Variants in CHM observed in about 807,000 individuals in gnomAD.
CHM encodes the protein CHM Rab escort protein.
In CHM, 10 loss-of-function variants were observed where a neutral mutation model predicts 49.0. The ratio of observed to expected loss-of-function variants is 0.20; its 90% CI spans 0.13 to 0.35. The LOEUF is 0.35. Among genes scored for constraint, CHM ranks in the 10% least tolerant of loss-of-function variants. CHM has a pLI of 1.00. For missense variants in CHM, 455 were observed against 478.4 expected, an observed-to-expected ratio of 0.95 and a Z score of 0.46; for synonymous variants, 184 against 167.5, an observed-to-expected ratio of 1.10 and a Z score of -0.76.
chrX:85,967,334 TCTA>T (rs1039485122), intron 4 of CHM, among the ~76,000 whole-genome samples: 2 of 112,126 alleles, frequency 1.8e-5, no homozygotes, highest in African/African-American at 6.5e-5. Flanking sequence ...ATAGTTCAAT[TCTA>T]CTAATTTAAA....
intron 12 of CHM, among the ~76,000 whole-genome samples, chrX:85,892,400 T>C (rs1474227933): frequency 3.6e-5 from 4 of 110,068 alleles, no homozygotes; most frequent in Admixed American, 1.9e-4. Flanking sequence ...AACTGAATCA[T>C]GGGGGCCGGT....
intron 8 of CHM, among the ~76,000 whole-genome samples, chrX:85,945,613 A>AT (rs1929360727): frequency 9.4e-6 from 1 of 106,325 alleles, no homozygotes; most frequent in Admixed American, 1.0e-4. Context: ...TAAACCTCTT[A>AT]TTTTTATAAA....
chrX:85,973,157 C>T (rs1054031298), intron 4 of CHM, among the ~76,000 whole-genome samples: 11 of 106,069 alleles, frequency 1.0e-4, no homozygotes, highest in Admixed American at 2.0e-4. Context: ...AAATTAGCTG[C>T]GCATGGTGGC....
intron 8 of CHM, among the ~76,000 whole-genome samples, chrX:85,928,739 G>T (rs1928243824): frequency 9.0e-6 from 1 of 111,144 alleles, no homozygotes; most frequent in Admixed American, 9.6e-5. Flanking sequence ...GCCTTAACCG[G>T]AGTTTTTCCT....
chrX:85,880,452 T>C (rs1361576543), intron 12 of CHM, among the ~76,000 whole-genome samples: 2 of 111,580 alleles, frequency 1.8e-5, no homozygotes, highest in African/African-American at 6.5e-5. Flanking sequence ...CTGTCTCTTA[T>C]TTCAAAATCT....
intron 1 of CHM, among the ~76,000 whole-genome samples, chrX:86,042,369 G>T (rs1043636357): frequency 2.8e-4 from 31 of 111,266 alleles, no homozygotes; most frequent in African/African-American, 9.8e-4. Context: ...ATTGGCTCAG[G>T]GTTCTGCAGG....
intron 1 of CHM, among the ~76,000 whole-genome samples, chrX:86,043,950 T>A (rs917238424): frequency 4.5e-5 from 5 of 111,449 alleles, no homozygotes; most frequent in Admixed American, 1.9e-4. Context: ...AGTAGAAAAA[T>A]TAAGCTAACC....
At chrX:85,949,055 A>G (rs1929578239) in intron 8 of CHM, among the ~76,000 whole-genome samples, 1 of 111,344 alleles carries the variant, frequency 9.0e-6, no homozygotes, top group African/African-American at 3.3e-5. Flanking sequence ...CGCACCCGGC[A>G]GGATGAGGTA....
intron 8 of CHM, among the ~76,000 whole-genome samples, chrX:85,939,700 ATTCTTT>A (rs1928994481): frequency 8.9e-6 from 1 of 112,276 alleles, no homozygotes. Context: ...CCATATTCTT[ATTCTTT>A]TTCTAACTAC....
intron 11 of CHM, among the ~76,000 whole-genome samples, chrX:85,894,833 A>T (rs961747052): frequency 1.3e-4 from 15 of 111,896 alleles, no homozygotes; most frequent in Non-Finnish European, 2.3e-4. Context: ...AAATCAGACC[A>T]TATTAAATCA....
At chrX:85,864,883 C>A in intron 14 of CHM, 62 bp from the exon 15 acceptor site, 6 of 1,034,770 alleles carry the variant, frequency 5.8e-6, no homozygotes, top group Non-Finnish European at 8.0e-6. Flanking sequence ...GTGTGCATTT[C>A]TGGCATTAAC....
intron 13 of CHM, among the ~76,000 whole-genome samples, chrX:85,875,095 C>A (rs750680775): frequency 9.0e-6 from 1 of 111,385 alleles, no homozygotes; most frequent in African/African-American, 3.3e-5. Context: ...ATTTCATAGA[C>A]GTTGCGCCTT....
In CHM at chrX:85,864,399, C is replaced by G; in HGVS notation, c.*231G>C. On this transcript the variant is annotated 3_prime_UTR_variant, in exon 15 of 15. Transcript: ENST00000357749. ...GAATCAATTGATTTATAATTTTCAT[C>G]TGCTAGTCACACAAGTTTGGTATTT... The G allele has an allele frequency of 2.5e-6, 1 of 396,370 alleles. No individual in the cohort carries two copies. The highest frequency in any genetic ancestry group is 4.4e-6 in the Non-Finnish European group (1 of 225,606). 32.7% of individuals were successfully genotyped at this position (396,370 alleles called of 1,213,427 possible). A position where few individuals can be genotyped will look rare whatever the true frequency, so the allele number is the denominator to read the frequency against.
At chrX:86,027,398 G>A in intron 2 of CHM, 93 bp downstream of exon 2, 1 of 703,245 alleles carries the variant, frequency 1.4e-6, no homozygotes, top group Non-Finnish European at 2.3e-6. Context: ...ACACATACAT[G>A]TACATACGTA....
intron 7 of CHM, 58 bp from the exon 8 acceptor site, chrX:85,956,436 A>C: frequency 8.6e-7 from 1 of 1,158,956 alleles, no homozygotes; most frequent in Non-Finnish European, 1.2e-6. Context: ...ATTTAAAACC[A>C]CCCCACAAAA....
chrX:85,881,714 G>C (rs1007393248), intron 12 of CHM, among the ~76,000 whole-genome samples: 1 of 111,774 alleles, frequency 8.9e-6, no homozygotes. Context: ...ATGTGTGTGA[G>C]GATACAAGAG....
chrX:86,011,444 A>G (rs1050826762), intron 2 of CHM, among the ~76,000 whole-genome samples: 2 of 111,539 alleles, frequency 1.8e-5, no homozygotes, highest in African/African-American at 3.3e-5. Context: ...CTGCTGAAGC[A>G]TGACTGTAGA....
At chrX:85,966,952 C>T (rs1249234615) in intron 4 of CHM, among the ~76,000 whole-genome samples, 1 of 111,365 alleles carries the variant, frequency 9.0e-6, no homozygotes, top group African/African-American at 3.3e-5. Flanking sequence ...AAGGTATAAG[C>T]GAAGAGAAGA....
chrX:85,987,736 C>T (rs1487557452), intron 2 of CHM, among the ~76,000 whole-genome samples: 1 of 111,909 alleles, frequency 8.9e-6, no homozygotes, highest in East Asian at 2.8e-4. Flanking sequence ...ATTAACACCA[C>T]TATGCATACA....
Sources: gnomAD v4.1 joint callset for allele counts (sites outside exome capture counted in the v4.1 genomes callset) on GRCh38, gnomAD v4.1.1 for gene constraint, MANE v1.5 for transcripts, NCBI Gene and HGNC (gene_info 2026-07-23, HGNC 2026-07-21) for gene names.